The following SETD5 variants were observed in gnomAD, a reference collection of about 807,000 sequenced individuals.
SETD5 encodes histone-lysine N-methyltransferase SETD5.
In SETD5, 44 loss-of-function variants were observed where a neutral mutation model predicts 153.3. The observed-to-expected ratio is 0.29, with a 90% CI of 0.23 to 0.37. SETD5 has a LOEUF of 0.37. SETD5 is among the 10% of genes least tolerant of loss of function. The pLI is 1.00. For synonymous variants in SETD5, 716 were observed against 645.2 expected, an observed-to-expected ratio of 1.11 and a Z score of -1.66; for missense variants, 1,544 against 1,768.0, an observed-to-expected ratio of 0.87 and a Z score of 2.27.
chr3:9,430,080 T>C, intron 3 of SETD5: 1 of 1,054,348 alleles, frequency 9.5e-7, no homozygotes, highest in East Asian at 9.5e-5. Flanking sequence ...CCCCTGTTTC[T>C]CTTGCCATTT....
rs541516015 is a variant in SETD5, at chr3:9,451,667, A to G, written c.2347-2072A>G. 2.7e-4 allele frequency among the ~76,000 whole-genome samples: 41 copies of G among 152,250 alleles called. No individual in the cohort carries two copies. The Middle Eastern group carries it at 0.01, about 38-fold the overall frequency. On this transcript the variant is annotated intron_variant, in intron 16 of 22. Transcript: ENST00000402198. ...TGCTGTGTTTCCTAGGCTGATCTCA[A>G]ACTCCTGAGTGCAAGGAGTCTGCCC...
intron 17 of SETD5, among the ~76,000 whole-genome samples, chr3:9,459,329 T>C (rs1026521782): frequency 3.9e-4 from 60 of 152,320 alleles, no homozygotes; most frequent in Non-Finnish European, 6.3e-4. Context: ...CTTGTGCACA[T>C]ACTTGTAATG....
At chr3:9,452,659 ATTTTTTTTTT>A (rs1164278885) in intron 16 of SETD5, among the ~76,000 whole-genome samples, 2 of 59,812 alleles carry the variant, frequency 3.3e-5, no homozygotes, top group African/African-American at 7.2e-5. Flanking sequence ...ATGATGTAAG[ATTTTTTTTTT>A]TTTTTTTTTT....
intron 17 of SETD5, among the ~76,000 whole-genome samples, chr3:9,458,787 C>G (rs901922613): frequency 6.6e-6 from 1 of 152,032 alleles, no homozygotes; most frequent in African/African-American, 2.4e-5. Flanking sequence ...TATTCATAAT[C>G]CTTAACCTAG....
chr3:9,433,316 A>G (rs895722300), intron 3 of SETD5: 9 of 1,197,590 alleles, frequency 7.5e-6, no homozygotes, highest in Non-Finnish European at 9.9e-6. Flanking sequence ...GTTCATCAAG[A>G]TGAGAGGTAT....
intron 3 of SETD5, chr3:9,430,138 T>C (rs1281445953): frequency 2.0e-6 from 2 of 1,015,246 alleles, no homozygotes; most frequent in Non-Finnish European, 2.4e-6. Flanking sequence ...AAAGCAACTG[T>C]ACCAGATTTC....
In SETD5 at chr3:9,434,496, G is replaced by T. The variant is rs779440174; in HGVS notation, c.329+11G>T. 18 of 1,613,748 alleles carry T rather than the reference G, an allele frequency of 1.1e-5. No individual in the cohort carries two copies. The Admixed American group carries it at 2.8e-4, about 25-fold the overall frequency. ...CTGTGACAAGTGCAGGTAAGATCCT[G>T]TTCCATCTAAATTTAAGTCTGGGTT... On this transcript the variant is annotated intron_variant, in intron 5 of 22. Transcript: ENST00000402198. The surrounding 1 kb of genome is among the most constrained non-coding windows in gnomAD (Gnocchi z 5.6).
intron 3 of SETD5, chr3:9,433,540 A>G (rs1413459744): frequency 9.3e-6 from 12 of 1,294,450 alleles, no homozygotes; most frequent in Middle Eastern, 2.1e-4. Flanking sequence ...TGGCTTCTCT[A>G]GGGGAAACTC....
Position 9,446,129 on chromosome 3 carries a change from T to A in SETD5, c.1524+389T>A, listed in dbSNP as rs572180286. On this transcript the variant is annotated intron_variant, in intron 13 of 22. Transcript: ENST00000402198. ...GGTGAAACCTTGTCTCTACTAAAAA[T>A]ACAAAAAATTAGCCGGGCGCGGTGG... Among the ~76,000 whole-genome samples the A allele has an allele frequency of 1.3e-3, 195 of 150,662 alleles. 3 individuals carry two copies. The highest frequency in any genetic ancestry group is 1.2e-3 in the Non-Finnish European group (84 of 67,622).
At position 9,447,884 on chromosome 3, in the gene SETD5, G is replaced by T. The variant is rs903969838; in HGVS notation, c.1981G>T (p.Glu661Ter). The T allele has an allele frequency of 1.2e-6, 2 of 1,614,026 alleles. No homozygotes were observed. Among genetic ancestry groups the T allele is most frequent in the Admixed American group, 1.7e-5 (1 of 60,026 alleles). Residue 661 changes from glutamate (E) to a stop codon, truncating the protein, a stop_gained, in exon 15 of 23, where the codon GAA becomes TAA. Coordinates refer to ENST00000402198, the MANE Select transcript of SETD5 (RefSeq NM_001080517.3). LOFTEE classifies it high-confidence loss of function. Reference sequence around the variant, plus strand: ...AAGTAACAGTTTAGTAACTCCTACTGAAGCTGGAAGTCTAGACAGTTCAGG... The same window carrying T: ...AAGTAACAGTTTAGTAACTCCTACTTAAGCTGGAAGTCTAGACAGTTCAGG... ...GGSNSLVTPTEAGSLDSSGEN... is the reference protein window; with the variant it reads ...GGSNSLVTPT
chr3:9,459,089 T>C (rs1419783483), intron 17 of SETD5, among the ~76,000 whole-genome samples: 1 of 152,168 alleles, frequency 6.6e-6, no homozygotes, highest in Non-Finnish European at 1.5e-5. Flanking sequence ...GGAAGCACCT[T>C]CCCTGTAAAA....
At chr3:9,475,185 C>T in intron 22 of SETD5, 29 bp downstream of exon 22, 2 of 1,550,524 alleles carry the variant, frequency 1.3e-6, no homozygotes, top group East Asian at 4.8e-5. Context: ...GGTCTCTAGC[C>T]ATAGGAGTGT....
chr3:9,400,415 A>T (rs866118711), intron 1 of SETD5, among the ~76,000 whole-genome samples: 1 of 152,188 alleles, frequency 6.6e-6, no homozygotes, highest in Non-Finnish European at 1.5e-5. Context: ...TGCAGCTCAC[A>T]TATCATGCCT....
At chr3:9,432,835 G>A (rs2040126022) in intron 3 of SETD5, among the ~76,000 whole-genome samples, 1 of 152,168 alleles carries the variant, frequency 6.6e-6, no homozygotes, top group Non-Finnish European at 1.5e-5. Flanking sequence ...GGTACAAAAA[G>A]ATACTAAACC....
In SETD5 at chr3:9,470,850, G is replaced by A. The variant is rs201568605; in HGVS notation, c.3116G>A (p.Arg1039His). ...CATGGCTTAATGAAAGACCTCTCTCGTGGATCCTTGTCACCTGGTGGTGAA... is the reference window on the plus strand; with the variant it reads ...CATGGCTTAATGAAAGACCTCTCTCATGGATCCTTGTCACCTGGTGGTGAA... Reference protein sequence around the residue: ...YEHGLMKDLSRGSLSPGGERA... With the variant: ...YEHGLMKDLSHGSLSPGGERA... Residue 1039 changes from arginine to histidine, a missense_variant, in exon 19 of 23, where the codon CGT (arginine) becomes CAT (histidine). Physicochemically the swap from Arg to His is conservative, Grantham distance 29 (BLOSUM62 0). Around this residue, in one of 9 missense-constraint regions of SETD5, gnomAD observed 782 missense variants for 787.2 expected, o/e 0.99. Transcript: ENST00000402198. 7.9e-5 allele frequency: 128 copies of A among 1,611,858 alleles called. No homozygotes were observed. In the African/African-American group the frequency reaches 1.3e-3, roughly 16 times the overall value.
At chr3:9,454,148 T>A (rs1357782244) in intron 17 of SETD5, 1 of 177,662 alleles carries the variant, frequency 5.6e-6, no homozygotes, top group East Asian at 1.4e-4. Context: ...ATATTCATAT[T>A]TATAAGATGG....
At chr3:9,474,078 T>C (rs1164787161) in intron 20 of SETD5, among the ~76,000 whole-genome samples, 1 of 152,148 alleles carries the variant, frequency 6.6e-6, no homozygotes, top group Non-Finnish European at 1.5e-5. Flanking sequence ...AAAATAAGTC[T>C]GGGAAAGAAC....
At chr3:9,457,748 T>C (rs1352592811) in intron 17 of SETD5, among the ~76,000 whole-genome samples, 2 of 149,716 alleles carry the variant, frequency 1.3e-5, no homozygotes, top group Non-Finnish European at 3.0e-5. Flanking sequence ...TTTTCTTTTT[T>C]TTTTTTTCAT....
intron 1 of SETD5, among the ~76,000 whole-genome samples, chr3:9,413,103 A>G (rs972683749): frequency 4.6e-5 from 7 of 152,184 alleles, no homozygotes; most frequent in African/African-American, 1.7e-4. Flanking sequence ...AAAGTAGACT[A>G]GTGAACATAA....
Sources: allele counts gnomAD v4.1 joint callset (sites outside exome capture counted in the v4.1 genomes callset), GRCh38; gene constraint gnomAD v4.1.1; regional missense constraint gnomAD v4.1.1; non-coding constraint Gnocchi (gnomAD v3.1); transcripts MANE v1.5; gene names NCBI Gene and HGNC (gene_info 2026-07-23, HGNC 2026-07-21).